NEGR1: variants seen among roughly 807,000 people sequenced by gnomAD.
NEGR1 encodes the protein neuronal growth regulator 1.
A neutral mutation model predicts 40.9 loss-of-function variants in NEGR1; 10 were observed. The ratio of observed to expected loss-of-function variants is 0.24; its 90% CI spans 0.15 to 0.42. The LOEUF (loss-of-function observed/expected upper bound fraction) is 0.42. Ranked by LOEUF, NEGR1 falls within the 10% of genes least tolerant of loss-of-function variation. NEGR1 has a pLI of 1.00. For synonymous variants in NEGR1, 185 were observed against 166.8 expected, an observed-to-expected ratio of 1.11 and a Z score of -0.84; for missense variants, 352 against 438.9, an observed-to-expected ratio of 0.80 and a Z score of 1.77.
chr1:71,938,077 G>C (rs1645924621), intron 1 of NEGR1, among the ~76,000 whole-genome samples: 1 of 151,998 alleles, frequency 6.6e-6, no homozygotes. Context: ...AATAGCCAGT[G>C]TTCCCAACTC....
intron 2 of NEGR1, among the ~76,000 whole-genome samples, chr1:71,882,736 A>T (rs1293300850): frequency 6.6e-6 from 1 of 151,716 alleles, no homozygotes; most frequent in East Asian, 1.9e-4. Flanking sequence ...GAAAAAAAAA[A>T]AAAAAAGCAT....
At chr1:71,833,542 G>A (rs2101793602) in intron 2 of NEGR1, among the ~76,000 whole-genome samples, 1 of 152,014 alleles carries the variant, frequency 6.6e-6, no homozygotes, top group Middle Eastern at 3.4e-3. Flanking sequence ...AAGCAGAGAA[G>A]CAAACAAAAC....
chr1:71,707,463 G>A (rs1653938766), intron 3 of NEGR1, among the ~76,000 whole-genome samples: 1 of 152,172 alleles, frequency 6.6e-6, no homozygotes, highest in African/African-American at 2.4e-5. Flanking sequence ...TTCAGTTTGA[G>A]TGCCAGCTTA....
intron 6 of NEGR1, among the ~76,000 whole-genome samples, chr1:71,545,644 A>G (rs1191785578): frequency 2.0e-5 from 3 of 151,372 alleles, no homozygotes; most frequent in African/African-American, 7.3e-5. Context: ...AATATGATTC[A>G]TTGTGTGCCA....
intron 1 of NEGR1, among the ~76,000 whole-genome samples, chr1:72,120,727 T>C (rs1183210690): frequency 6.6e-6 from 1 of 152,016 alleles, no homozygotes; most frequent in East Asian, 1.9e-4. Context: ...GATCTCATTG[T>C]TCAATTCCCA....
rs569983489 is a variant in NEGR1 at position 71,884,112 on chromosome 1, A to G, written c.409+50967T>C. On this transcript the variant is annotated intron_variant, in intron 2 of 6. Coordinates refer to ENST00000357731, the MANE Select transcript of NEGR1 (RefSeq NM_173808.3). ...GGTCATTTTCTCCAGGGTGCCCTTT[A>G]AAGTCTACTGAAAGCAGTTCAGCTC... 2.0e-5 allele frequency among the ~76,000 whole-genome samples: 3 copies of G among 152,208 alleles called. No individual in the cohort carries two copies. The East Asian group carries it at 5.8e-4, about 30-fold the overall frequency.
At position 72,117,571 on chromosome 1, in the gene NEGR1, A is replaced by T. The variant is rs1202713415; in HGVS notation, c.176+164748T>A. Among the ~76,000 whole-genome samples the T allele has an allele frequency of 3.3e-5, 5 of 151,794 alleles. No individual in the cohort carries two copies. The East Asian group carries it at 7.8e-4, about 24-fold the overall frequency. ...GAATAAATCCAGTGGTGCCTGGACA[A>T]ATATGCTACAGTAATACCATGGAAT... On this transcript the variant is annotated intron_variant, in intron 1 of 6. Transcript: ENST00000357731.
chr1:72,113,080 A>C (rs1193761556), intron 1 of NEGR1, among the ~76,000 whole-genome samples: 2 of 151,702 alleles, frequency 1.3e-5, no homozygotes, highest in Non-Finnish European at 2.9e-5. Context: ...TTGCATACTC[A>C]AGATAGGTAC....
At chr1:71,532,430 G>C (rs1012906079) in intron 6 of NEGR1, among the ~76,000 whole-genome samples, 2 of 151,520 alleles carry the variant, frequency 1.3e-5, no homozygotes, top group Non-Finnish European at 3.0e-5. Context: ...TAGAAGTATA[G>C]GTTTTCCCCT....
chr1:71,878,821 G>A (rs780682600), intron 2 of NEGR1, among the ~76,000 whole-genome samples: 15 of 152,030 alleles, frequency 9.9e-5, no homozygotes, highest in Non-Finnish European at 1.9e-4. Flanking sequence ...AATATCTATC[G>A]GTAAATTTCT....
intron 6 of NEGR1, among the ~76,000 whole-genome samples, chr1:71,584,310 T>C (rs1034501889): frequency 2.0e-5 from 3 of 152,112 alleles, no homozygotes; most frequent in Non-Finnish European, 4.4e-5. Context: ...CCCACTGAAA[T>C]ATTATTGCTT....
At chr1:71,648,544 G>A (rs2101579971) in intron 4 of NEGR1, among the ~76,000 whole-genome samples, 1 of 152,094 alleles carries the variant, frequency 6.6e-6, no homozygotes, top group East Asian at 1.9e-4. Context: ...GCATTCAAAA[G>A]GGAATAGGAG....
intron 1 of NEGR1, among the ~76,000 whole-genome samples, chr1:72,076,347 A>G (rs1057402610): frequency 2.6e-5 from 4 of 152,148 alleles, no homozygotes; most frequent in African/African-American, 9.7e-5. Context: ...GAACAAGGAA[A>G]CAGACCCTCG....
chr1:71,537,816 G>A (rs544633424), intron 6 of NEGR1, among the ~76,000 whole-genome samples: 2 of 151,794 alleles, frequency 1.3e-5, no homozygotes, highest in East Asian at 3.9e-4. Context: ...CTCCTGTTTT[G>A]TCATTGGAGT....
At chr1:71,764,025 C>T (rs942948994) in intron 3 of NEGR1, among the ~76,000 whole-genome samples, 3 of 152,064 alleles carry the variant, frequency 2.0e-5, no homozygotes, top group Admixed American at 2.0e-4. Flanking sequence ...AAAAGGACTC[C>T]CCTGGCCCAT....
intron 6 of NEGR1, among the ~76,000 whole-genome samples, chr1:71,473,934 C>G (rs1646801188): frequency 6.6e-6 from 1 of 151,984 alleles, no homozygotes; most frequent in Non-Finnish European, 1.5e-5. Context: ...GTCTTTAGTT[C>G]CTGCTGGAAA....
At chr1:71,559,572 CT>C (rs1282791504) in intron 6 of NEGR1, among the ~76,000 whole-genome samples, 2 of 151,562 alleles carry the variant, frequency 1.3e-5, no homozygotes, top group African/African-American at 4.8e-5. Flanking sequence ...TGTATATCCA[CT>C]AACACAATAC....
chr1:72,024,448 C>T lies in NEGR1; in HGVS notation c.177-89137G>A, dbSNP rs1476576306. On this transcript the variant is annotated intron_variant, in intron 1 of 6. Transcript: ENST00000357731. Reference sequence around the variant, plus strand: ...TCTTCATATTAAATTATATGATGAGCTATAAAATAAAATAAATCAAATAAA... The same window carrying T: ...TCTTCATATTAAATTATATGATGAGTTATAAAATAAAATAAATCAAATAAA... Among the ~76,000 whole-genome samples the T allele has an allele frequency of 4.6e-5, 7 of 151,666 alleles. No homozygotes were observed. In the East Asian group the frequency reaches 1.4e-3, roughly 29 times the overall value.
intron 2 of NEGR1, among the ~76,000 whole-genome samples, chr1:71,810,161 G>C (rs1657942951): frequency 6.6e-6 from 1 of 152,102 alleles, no homozygotes. Flanking sequence ...GAGCAGCTTT[G>C]GGGTAAGGCA....
Sources: allele counts gnomAD v4.1 joint callset (sites outside exome capture counted in the v4.1 genomes callset), GRCh38; gene constraint gnomAD v4.1.1; transcripts MANE v1.5; gene names NCBI Gene and HGNC (gene_info 2026-07-23, HGNC 2026-07-21).